The following CBFA2T2 variants were observed in gnomAD, a reference collection of about 807,000 sequenced individuals.
CBFA2T2 encodes protein CBFA2T2.
CBFA2T2 carries 11 observed loss-of-function variants against 62.2 expected under a neutral mutation model. The observed-to-expected ratio is 0.18, with a 90% CI of 0.11 to 0.29. CBFA2T2 has a LOEUF of 0.29. CBFA2T2 is among the 10% of genes least tolerant of loss of function. CBFA2T2 has a pLI of 1.00. For synonymous variants in CBFA2T2, 295 were observed against 287.5 expected (o/e 1.03, Z -0.27); for missense variants, 592 against 774.1 (o/e 0.76, Z 2.79).
chr20:33,634,168 C>T (rs547631061), intron 8 of CBFA2T2, among the ~76,000 whole-genome samples: 8 of 152,234 alleles, frequency 5.3e-5, no homozygotes, highest in African/African-American at 9.6e-5. Context: ...GGGGTTTCAC[C>T]ATGTTAGTCA....
intron 1 of CBFA2T2, among the ~76,000 whole-genome samples, chr20:33,599,275 C>A (rs941020253): frequency 6.7e-6 from 1 of 150,006 alleles, no homozygotes; most frequent in African/African-American, 2.5e-5. Context: ...AAAAAAAAAA[C>A]CTGTGGCCCA....
At chr20:33,624,682 C>A in intron 5 of CBFA2T2, 82 bp from the exon 6 acceptor site, 1 of 1,489,644 alleles carries the variant, frequency 6.7e-7, no homozygotes, top group Non-Finnish European at 9.2e-7. Context: ...AGCAAAATAC[C>A]TAATACATAG....
intron 3 of CBFA2T2, among the ~76,000 whole-genome samples, chr20:33,615,969 A>G (rs2015690056): frequency 6.6e-6 from 1 of 152,106 alleles, no homozygotes; most frequent in Admixed American, 6.6e-5. Flanking sequence ...CCAGATACTC[A>G]GGAAGTTGAG....
At chr20:33,515,623 G>A (rs542917318) in intron 1 of CBFA2T2, among the ~76,000 whole-genome samples, 2 of 151,738 alleles carry the variant, frequency 1.3e-5, no homozygotes, top group South Asian at 4.2e-4. Context: ...CAAACATGGC[G>A]AAACCCTGTC....
intron 1 of CBFA2T2, among the ~76,000 whole-genome samples, chr20:33,600,828 A>G (rs954253191): frequency 1.1e-4 from 16 of 152,210 alleles, no homozygotes; most frequent in African/African-American, 3.6e-4. Context: ...TGGCAAATCC[A>G]GGACAGTCAA....
chr20:33,554,778 G>A (rs548423122), intron 1 of CBFA2T2, among the ~76,000 whole-genome samples: 32 of 151,766 alleles, frequency 2.1e-4, no homozygotes, highest in African/African-American at 7.7e-4. Context: ...TGTGCTAGAT[G>A]AGAGATTTGA....
intron 1 of CBFA2T2, among the ~76,000 whole-genome samples, chr20:33,590,574 G>A (rs1264191002): frequency 6.6e-6 from 1 of 152,162 alleles, no homozygotes. Context: ...TGAGTGCCAA[G>A]ATCTTCTCAT....
chr20:33,501,697 T>C (rs1196948015), intron 1 of CBFA2T2, among the ~76,000 whole-genome samples: 1 of 123,910 alleles, frequency 8.1e-6, no homozygotes, highest in African/African-American at 3.0e-5. Flanking sequence ...TGGAGTGCAG[T>C]GGTGCGATCT....
chr20:33,592,410 T>C (rs1462224745), intron 1 of CBFA2T2, among the ~76,000 whole-genome samples: 1 of 147,792 alleles, frequency 6.8e-6, no homozygotes, highest in Non-Finnish European at 1.5e-5. Flanking sequence ...AAAAATTATA[T>C]ATATAATTAT....
At chr20:33,532,436 C>G (rs1326000947) in intron 1 of CBFA2T2, among the ~76,000 whole-genome samples, 2 of 152,144 alleles carry the variant, frequency 1.3e-5, no homozygotes, top group African/African-American at 2.4e-5. Context: ...TCTACTAGCT[C>G]TTTTTCACCA....
At position 33,624,887 on chromosome 20, in the gene CBFA2T2, G is replaced by C. The variant is rs765099733; in HGVS notation, c.816G>C (p.Gly272=). The C allele has an allele frequency of 6.2e-6, 10 of 1,613,886 alleles. No individual in the cohort carries two copies. The highest frequency in any genetic ancestry group is 8.5e-6 in the Non-Finnish European group (10 of 1,179,996). ...TCACTGTGCCCCTCATGAATCCCGGGGGCCAATTCCATCCTACCCCTCCAC... is the reference window on the plus strand; with the variant it reads ...TCACTGTGCCCCTCATGAATCCCGGCGGCCAATTCCATCCTACCCCTCCAC... The part of the protein sequence containing the change: ...PALTVPLMNP[G]GQFHPTPPPL... Residue 272 remains glycine (G), a synonymous_variant, in exon 6 of 11, where the codon GGG becomes GGC. Transcript: ENST00000342704.
At chr20:33,515,120 G>A (rs1448052548) in intron 1 of CBFA2T2, among the ~76,000 whole-genome samples, 3 of 151,786 alleles carry the variant, frequency 2.0e-5, no homozygotes, top group East Asian at 1.9e-4. Context: ...AGGCCGAAGC[G>A]GGTGGATCAC....
At chr20:33,532,610 GGT>G (rs2012094084) in intron 1 of CBFA2T2, among the ~76,000 whole-genome samples, 1 of 152,194 alleles carries the variant, frequency 6.6e-6, no homozygotes, top group Non-Finnish European at 1.5e-5. Context: ...AATTATACAA[GGT>G]GTGTTAGATC....
At chr20:33,496,833 G>C (rs182412910) in intron 1 of CBFA2T2, among the ~76,000 whole-genome samples, 3 of 152,176 alleles carry the variant, frequency 2.0e-5, no homozygotes, top group Non-Finnish European at 4.4e-5. Context: ...CCTATCCTGT[G>C]CCCTGGGAAG....
intron 7 of CBFA2T2, 72 bp downstream of exon 7, chr20:33,628,507 C>T (rs2016334374): frequency 1.9e-6 from 2 of 1,054,386 alleles, no homozygotes; most frequent in Non-Finnish European, 3.0e-6. Context: ...CTCGCTCTGT[C>T]ACCCAGGATG....
At chr20:33,619,103 G>A (rs970288998) in intron 3 of CBFA2T2, among the ~76,000 whole-genome samples, 1 of 152,172 alleles carries the variant, frequency 6.6e-6, no homozygotes, top group South Asian at 2.1e-4. Context: ...AGCTGAGCAC[G>A]GTGGCTCACC....
chr20:33,641,395 T>G (rs2016833324), intron 10 of CBFA2T2, among the ~76,000 whole-genome samples: 1 of 152,164 alleles, frequency 6.6e-6, no homozygotes, highest in African/African-American at 2.4e-5. Flanking sequence ...TACAGGACGC[T>G]TGAGTACTAC....
chr20:33,639,061 C>T (rs189141455), intron 9 of CBFA2T2: 13 of 152,348 alleles, frequency 8.5e-5, no homozygotes, highest in African/African-American at 3.1e-4. Flanking sequence ...GTGGACTGTC[C>T]ATTTCATTGC....
At chr20:33,608,705 T>C (rs957260510) in intron 2 of CBFA2T2, among the ~76,000 whole-genome samples, 1 of 152,240 alleles carries the variant, frequency 6.6e-6, no homozygotes, top group Admixed American at 6.5e-5. Flanking sequence ...AATTCAGCCC[T>C]TTTTACTTCC....
Sources: gnomAD v4.1 joint callset for allele counts (sites outside exome capture counted in the v4.1 genomes callset) on GRCh38, gnomAD v4.1.1 for gene constraint, MANE v1.5 for transcripts, NCBI Gene and HGNC (gene_info 2026-07-23, HGNC 2026-07-21) for gene names.